CPQ: variants seen among roughly 807,000 people sequenced by gnomAD.
CPQ encodes the protein carboxypeptidase Q.
In CPQ, 37 loss-of-function variants were observed where a neutral mutation model predicts 45.7. The ratio of observed to expected loss-of-function variants is 0.81; its 90% CI spans 0.62 to 1.07. CPQ has a LOEUF of 1.07. Ranked by LOEUF, CPQ falls within the 50% of genes least tolerant of loss-of-function variation. The probability of loss-of-function intolerance (pLI) is 0.00; values close to 1 mark genes in which losing one functional copy is unlikely to be tolerated. For synonymous variants in CPQ, 186 were observed against 205.8 expected (o/e 0.90, Z 0.82); for missense variants, 537 against 572.9 (o/e 0.94, Z 0.64).
intron 1 of CPQ, among the ~76,000 whole-genome samples, chr8:96,672,189 T>C (rs1284300482): frequency 6.6e-6 from 1 of 151,872 alleles, no homozygotes; most frequent in Non-Finnish European, 1.5e-5. Flanking sequence ...AGGTAGGGAG[T>C]TAATAAATAC....
chr8:96,990,378 T>G (rs912311565), intron 5 of CPQ, among the ~76,000 whole-genome samples: 2 of 152,230 alleles, frequency 1.3e-5, no homozygotes, highest in Non-Finnish European at 2.9e-5. Context: ...TACTTCAGTC[T>G]TCTTCTCTGT....
intron 2 of CPQ, among the ~76,000 whole-genome samples, chr8:96,828,656 A>C (rs1312934767): frequency 6.6e-6 from 1 of 152,102 alleles, no homozygotes. Context: ...TTACCAGGTT[A>C]GATGACAGCG....
At chr8:97,091,722 G>A (rs750964600) in intron 7 of CPQ, among the ~76,000 whole-genome samples, 13 of 152,174 alleles carry the variant, frequency 8.5e-5, no homozygotes, top group Non-Finnish European at 1.5e-4. Flanking sequence ...TAGGGATTTA[G>A]GAAAAGTGGG....
chr8:97,097,342 A>G (rs1253228366), intron 7 of CPQ, among the ~76,000 whole-genome samples: 2 of 152,160 alleles, frequency 1.3e-5, no homozygotes, highest in Non-Finnish European at 1.5e-5. Context: ...TTTTGAGTAC[A>G]CAAAAATCAT....
At chr8:96,906,069 C>T (rs1284057937) in intron 4 of CPQ, among the ~76,000 whole-genome samples, 1 of 146,440 alleles carries the variant, frequency 6.8e-6, no homozygotes, top group East Asian at 2.0e-4. Context: ...ATTCCTGCCA[C>T]AGCCCCAGGC....
intron 4 of CPQ, among the ~76,000 whole-genome samples, chr8:96,885,613 A>G (rs910384789): frequency 6.6e-6 from 1 of 152,234 alleles, no homozygotes; most frequent in African/African-American, 2.4e-5. Flanking sequence ...AGAAAAGTGT[A>G]TATGTGATTG....
chr8:97,051,818 A>G (rs1310048513), intron 6 of CPQ, among the ~76,000 whole-genome samples: 1 of 152,216 alleles, frequency 6.6e-6, no homozygotes, highest in Non-Finnish European at 1.5e-5. Context: ...GCACTTGTAC[A>G]TCACCTCCTT....
chr8:96,679,887 C>G (rs977879588), intron 1 of CPQ, among the ~76,000 whole-genome samples: 6 of 151,726 alleles, frequency 4.0e-5, no homozygotes, highest in African/African-American at 1.5e-4. Flanking sequence ...TTCATCGATC[C>G]TTTGTACTTT....
intron 1 of CPQ, among the ~76,000 whole-genome samples, chr8:96,693,089 A>C (rs1346273298): frequency 6.6e-6 from 1 of 152,100 alleles, no homozygotes; most frequent in Non-Finnish European, 1.5e-5. Context: ...GAATAGATCA[A>C]GCAGAAGAAA....
chr8:96,764,469 A>C (rs1586391313), intron 1 of CPQ, among the ~76,000 whole-genome samples: 2 of 152,240 alleles, frequency 1.3e-5, no homozygotes, highest in East Asian at 1.9e-4. Flanking sequence ...GTTAAGGAAC[A>C]CATGTTCATT....
At chr8:97,106,025 C>G (rs1811398892) in intron 7 of CPQ, among the ~76,000 whole-genome samples, 1 of 152,222 alleles carries the variant, frequency 6.6e-6, no homozygotes. Flanking sequence ...ATTTTAATAA[C>G]TTCCCTCTGT....
chr8:97,073,371 T>G (rs1005428526), intron 7 of CPQ, among the ~76,000 whole-genome samples: 30 of 152,228 alleles, frequency 2.0e-4, no homozygotes, highest in African/African-American at 6.8e-4. Context: ...GACCCAGGAC[T>G]CCTGCGTTTT....
At chr8:97,109,541 G>A (rs1321322546) in intron 7 of CPQ, among the ~76,000 whole-genome samples, 2 of 151,994 alleles carry the variant, frequency 1.3e-5, no homozygotes, top group African/African-American at 4.8e-5. Context: ...CTAAGGGTGA[G>A]CCATCAAGGT....
chr8:96,790,853 G>T (rs1035002447), intron 2 of CPQ, among the ~76,000 whole-genome samples: 1 of 152,124 alleles, frequency 6.6e-6, no homozygotes, highest in Non-Finnish European at 1.5e-5. Context: ...ATTTTGTGGG[G>T]TGAAGATCTG....
chr8:97,140,518 G>T (rs540698010), intron 7 of CPQ, among the ~76,000 whole-genome samples: 1 of 151,822 alleles, frequency 6.6e-6, no homozygotes, highest in East Asian at 1.9e-4. Flanking sequence ...TGAACAAAAG[G>T]GATGTAAAAC....
intron 4 of CPQ, among the ~76,000 whole-genome samples, chr8:96,959,182 G>A (rs1006701494): frequency 1.3e-5 from 2 of 152,130 alleles, no homozygotes; most frequent in Non-Finnish European, 2.9e-5. Flanking sequence ...CTTGAGAAGT[G>A]CCTGCCCACC....
intron 1 of CPQ, among the ~76,000 whole-genome samples, chr8:96,678,840 G>T (rs1215562073): frequency 1.4e-5 from 2 of 142,206 alleles, no homozygotes; most frequent in African/African-American, 5.2e-5. Flanking sequence ...TAAATAGTCC[G>T]CAAATATTTT....
intron 5 of CPQ, among the ~76,000 whole-genome samples, chr8:97,015,491 A>G (rs1809563432): frequency 6.6e-6 from 1 of 152,168 alleles, no homozygotes; most frequent in Non-Finnish European, 1.5e-5. Flanking sequence ...ATCTCAATCA[A>G]GGTAAAATAG....
At chr8:96,743,735 A>T (rs373209853) in intron 1 of CPQ, among the ~76,000 whole-genome samples, 1 of 152,054 alleles carries the variant, frequency 6.6e-6, no homozygotes, top group African/African-American at 2.4e-5. Context: ...ATACCCTGCC[A>T]TGTGAGGTGT....
Sources: allele counts gnomAD v4.1 joint callset (sites outside exome capture counted in the v4.1 genomes callset), GRCh38; gene constraint gnomAD v4.1.1; transcripts MANE v1.5; gene names NCBI Gene and HGNC (gene_info 2026-07-23, HGNC 2026-07-21).